CNIH3: variants seen among roughly 807,000 people sequenced by gnomAD.
The protein encoded by CNIH3 is cornichon family AMPA receptor auxiliary protein 3, also known as protein cornichon homolog 3.
A neutral mutation model predicts 24.1 loss-of-function variants in CNIH3; 14 were observed. The ratio of observed to expected loss-of-function variants is 0.58; its 90% CI spans 0.38 to 0.91. The LOEUF (loss-of-function observed/expected upper bound fraction) is 0.91. Among genes scored for constraint, CNIH3 ranks in the 40% least tolerant of loss-of-function variants. CNIH3 has a pLI of 0.00. For missense variants in CNIH3, 178 were observed against 196.8 expected, an observed-to-expected ratio of 0.90 and a Z score of 0.57; for synonymous variants, 68 against 73.8, an observed-to-expected ratio of 0.92 and a Z score of 0.40.
At chr1:224,721,707 C>A (rs1480190037) in intron 3 of CNIH3, among the ~76,000 whole-genome samples, 1 of 152,120 alleles carries the variant, frequency 6.6e-6, no homozygotes, top group Admixed American at 6.5e-5. Context: ...AGGAAGCTGT[C>A]CCCTTACAGA....
intron 1 of CNIH3, among the ~76,000 whole-genome samples, chr1:224,652,411 G>A (rs1022797304): frequency 5.9e-5 from 9 of 152,246 alleles, no homozygotes; most frequent in South Asian, 2.1e-4. Context: ...CAGACCTAGC[G>A]GTAGGGAAGT....
At chr1:224,593,706 A>G (rs945363272) in intron 3 of CNIH3, among the ~76,000 whole-genome samples, 6 of 152,244 alleles carry the variant, frequency 3.9e-5, no homozygotes, top group African/African-American at 1.4e-4. Flanking sequence ...TAAAAATAAA[A>G]ATAAAACAAT....
chr1:224,557,478 T>C (rs1247220935), intron 3 of CNIH3, among the ~76,000 whole-genome samples: 1 of 151,992 alleles, frequency 6.6e-6, no homozygotes, highest in Non-Finnish European at 1.5e-5. Flanking sequence ...CCAGTTCTTT[T>C]TATTTTAGAC....
chr1:224,695,849 A>G (rs549741891), intron 3 of CNIH3, among the ~76,000 whole-genome samples: 8 of 152,326 alleles, frequency 5.3e-5, no homozygotes, highest in Non-Finnish European at 1.2e-4. Context: ...TCTCAGCAAT[A>G]AAGATTTAGG....
At chr1:224,621,241 C>T (rs1330973889) in intron 1 of CNIH3, among the ~76,000 whole-genome samples, 6 of 152,206 alleles carry the variant, frequency 3.9e-5, no homozygotes, top group Admixed American at 3.3e-4. Flanking sequence ...ACAGGGATGA[C>T]ATACATATGT....
chr1:224,716,638 G>A, intron 3 of CNIH3, among the ~76,000 whole-genome samples: 1 of 152,136 alleles, frequency 6.6e-6, no homozygotes, highest in South Asian at 2.1e-4. Flanking sequence ...GGGACCGTGG[G>A]GGTTTGGAAA....
At chr1:224,624,277 C>T (rs1683414067) in intron 1 of CNIH3, among the ~76,000 whole-genome samples, 1 of 152,182 alleles carries the variant, frequency 6.6e-6, no homozygotes, top group Non-Finnish European at 1.5e-5. Context: ...TTTGCAACTG[C>T]TTTCAAATGT....
At chr1:224,634,696 C>T (rs1203571343) in intron 1 of CNIH3, among the ~76,000 whole-genome samples, 2 of 152,178 alleles carry the variant, frequency 1.3e-5, no homozygotes, top group Non-Finnish European at 2.9e-5. Context: ...TTTCTTCTTA[C>T]TGTCCCCCAT....
intron 1 of CNIH3, among the ~76,000 whole-genome samples, chr1:224,673,379 C>A (rs1685965853): frequency 6.6e-6 from 1 of 152,162 alleles, no homozygotes; most frequent in Non-Finnish European, 1.5e-5. Context: ...CCTTGACCTC[C>A]CCTCCCCCTG....
At chr1:224,660,552 T>C (rs1685302288) in intron 1 of CNIH3, among the ~76,000 whole-genome samples, 1 of 152,234 alleles carries the variant, frequency 6.6e-6, no homozygotes, top group Admixed American at 6.5e-5. Context: ...CATTTGCGTT[T>C]CTTTGTTTTA....
chr1:224,718,026 C>T (rs1688516433), intron 3 of CNIH3, among the ~76,000 whole-genome samples: 1 of 152,280 alleles, frequency 6.6e-6, no homozygotes, highest in African/African-American at 2.4e-5. Flanking sequence ...CAAAATTGCA[C>T]CGTGTGCCAG....
In CNIH3 at chr1:224,574,297, TC is replaced by T. The variant is rs578086434; in HGVS notation, n.516+8035del. On this transcript the variant is annotated intron_variant and non_coding_transcript_variant, in intron 4 of 5. Coordinates refer to the CNIH3 transcript ENST00000471578. ...TGCAAATCCAAATCTATTAAGTGGCTCCACTGTCACAGTAAGTATTTCATTG... is the reference window on the plus strand; with the variant it reads ...TGCAAATCCAAATCTATTAAGTGGCTCACTGTCACAGTAAGTATTTCATTG... 4.2e-3 allele frequency: 907 copies of T among 215,574 alleles called. 17 individuals are homozygous for T. Among genetic ancestry groups the T allele is most frequent in the African/African-American group, 0.019 (840 of 43,534 alleles). The allele number at this position is 215,574 out of a possible 1,614,324, so 13.4% of individuals were successfully genotyped here.
chr1:224,637,022 G>A (rs2125086686), intron 1 of CNIH3, among the ~76,000 whole-genome samples: 1 of 151,158 alleles, frequency 6.6e-6, no homozygotes, highest in Non-Finnish European at 1.5e-5. Flanking sequence ...CGTGATCTTG[G>A]CTCACTGCAA....
At chr1:224,713,221 C>T (rs1022210913) in intron 3 of CNIH3, among the ~76,000 whole-genome samples, 1 of 152,172 alleles carries the variant, frequency 6.6e-6, no homozygotes, top group African/African-American at 2.4e-5. Context: ...AATCAATGCA[C>T]CTGTAGCTTC....
chr1:224,486,764 T>G (rs1677046412), intron 1 of CNIH3, among the ~76,000 whole-genome samples: 1 of 152,242 alleles, frequency 6.6e-6, no homozygotes, highest in Admixed American at 6.5e-5. Flanking sequence ...GCAAATTGAA[T>G]AACACTACCT....
chr1:224,689,673 C>G (rs921259560), intron 3 of CNIH3, among the ~76,000 whole-genome samples: 2 of 152,190 alleles, frequency 1.3e-5, no homozygotes, highest in African/African-American at 2.4e-5. Context: ...TCCTAAACAC[C>G]CTAGAATGTG....
downstream of CNIH3, among the ~76,000 whole-genome samples, chr1:224,592,805 C>T (rs899858815): frequency 3.3e-5 from 5 of 152,056 alleles, no homozygotes; most frequent in Non-Finnish European, 7.4e-5. Flanking sequence ...CTGAGTAGGA[C>T]GATTCCCCTG....
At chr1:224,598,910 C>T (rs1001782970) in intron 3 of CNIH3, among the ~76,000 whole-genome samples, 6 of 152,138 alleles carry the variant, frequency 3.9e-5, no homozygotes, top group Non-Finnish European at 7.3e-5. Context: ...TGCAACCAAT[C>T]TCACAGTATC....
At chr1:224,573,196 T>C (rs1462783638) in intron 4 of CNIH3, among the ~76,000 whole-genome samples, 1 of 152,234 alleles carries the variant, frequency 6.6e-6, no homozygotes, top group Admixed American at 6.5e-5. Flanking sequence ...GTTAATTTTG[T>C]TGATCTTTTC....
Sources: gnomAD v4.1 joint callset for allele counts (sites outside exome capture counted in the v4.1 genomes callset) on GRCh38, gnomAD v4.1.1 for gene constraint, MANE v1.5 for transcripts, NCBI Gene and HGNC (gene_info 2026-07-23, HGNC 2026-07-21) for gene names.